Variants in ST6GALNAC5 observed in about 807,000 individuals in gnomAD.
ST6GALNAC5 encodes alpha-N-acetylgalactosaminide alpha-2,6-sialyltransferase 5.
ST6GALNAC5 carries 27 observed loss-of-function variants against 33.6 expected under a neutral mutation model. The observed-to-expected ratio is 0.80, with a 90% CI of 0.59 to 1.11. ST6GALNAC5 has a LOEUF of 1.11. Ranked by LOEUF, ST6GALNAC5 falls within the 50% of genes least tolerant of loss-of-function variation. The pLI, the probability that ST6GALNAC5 is intolerant of heterozygous loss-of-function variation, is 0.00. For synonymous variants in ST6GALNAC5, 194 were observed against 171.2 expected, an observed-to-expected ratio of 1.13 and a Z score of -1.04; for missense variants, 428 against 454.0, an observed-to-expected ratio of 0.94 and a Z score of 0.52.
At chr1:76,897,628 A>T (rs980557312) in intron 2 of ST6GALNAC5, among the ~76,000 whole-genome samples, 1 of 149,456 alleles carries the variant, frequency 6.7e-6, no homozygotes, top group East Asian at 1.9e-4. Flanking sequence ...AGGTGGGGGG[A>T]TACAAGAGGA....
intron 3 of ST6GALNAC5, among the ~76,000 whole-genome samples, chr1:77,048,947 C>G (rs1557774385): frequency 1.3e-5 from 2 of 151,898 alleles, no homozygotes; most frequent in Non-Finnish European, 2.9e-5. Flanking sequence ...ATTCAGCCCA[C>G]TTATTCCCAT....
At chr1:76,883,264 T>A (rs970916144) in intron 2 of ST6GALNAC5, among the ~76,000 whole-genome samples, 20 of 152,242 alleles carry the variant, frequency 1.3e-4, no homozygotes, top group African/African-American at 4.8e-4. Context: ...CACACAATAT[T>A]GCAATCATTT....
intron 2 of ST6GALNAC5, among the ~76,000 whole-genome samples, chr1:76,967,647 G>A (rs1335921441): frequency 1.3e-5 from 2 of 152,086 alleles, no homozygotes; most frequent in African/African-American, 4.8e-5. Context: ...GTTTGCTCTT[G>A]CTTCACTGGT....
chr1:77,039,289 T>C (rs968140828), intron 2 of ST6GALNAC5, among the ~76,000 whole-genome samples: 7 of 152,220 alleles, frequency 4.6e-5, no homozygotes, highest in African/African-American at 1.4e-4. Context: ...TACTGGGGAT[T>C]AATAACTGGC....
chr1:76,894,590 T>C (rs1331024268), intron 2 of ST6GALNAC5, among the ~76,000 whole-genome samples: 1 of 152,116 alleles, frequency 6.6e-6, no homozygotes, highest in East Asian at 1.9e-4. Flanking sequence ...GAGGTCACAG[T>C]CAAAGAAAAA....
intron 2 of ST6GALNAC5, among the ~76,000 whole-genome samples, chr1:76,981,862 G>A (rs34563548): frequency 2.0e-5 from 3 of 152,086 alleles, no homozygotes; most frequent in Admixed American, 1.3e-4. Context: ...AGATACCCAG[G>A]CAAACAGGGT....
At chr1:76,908,036 T>C (rs1339576287) in intron 2 of ST6GALNAC5, among the ~76,000 whole-genome samples, 1 of 152,178 alleles carries the variant, frequency 6.6e-6, no homozygotes, top group Non-Finnish European at 1.5e-5. Flanking sequence ...ATCTTTTTAA[T>C]ACAATAGATT....
rs1272546361 is a variant in ST6GALNAC5 at position 77,018,380 on chromosome 1, G to A, written c.262-25824G>A. Among the ~76,000 whole-genome samples the A allele has an allele frequency of 2.0e-5, 3 of 152,218 alleles. No homozygotes were observed. The East Asian group carries it at 5.8e-4, about 29-fold the overall frequency. Reference sequence around the variant, plus strand: ...GAGTACTCACCATGCACGAGGCACTGTGCCAGGTACAAACATTCATATTCC... The same window carrying A: ...GAGTACTCACCATGCACGAGGCACTATGCCAGGTACAAACATTCATATTCC... On this transcript the variant is annotated intron_variant, in intron 2 of 4. Transcript: ENST00000477717.
At chr1:77,049,492 T>A (rs759595654) in intron 3 of ST6GALNAC5, among the ~76,000 whole-genome samples, 5 of 152,222 alleles carry the variant, frequency 3.3e-5, no homozygotes, top group Non-Finnish European at 7.3e-5. Flanking sequence ...GTCTCCACAG[T>A]TATCCTAAGG....
In ST6GALNAC5 at chr1:76,868,593, C is replaced by CAGA; in HGVS notation, c.114_115insAAG (p.Gln38_Gln39insLys). 6.6e-7 allele frequency: 1 copy of CAGA among 1,523,248 alleles called. No homozygotes were observed. 94.4% of individuals were successfully genotyped at this position (1,523,248 alleles called of 1,614,324 possible). The stretch of plus-strand genomic sequence containing the variant: ...CGGCGGCCAGAAGGAGCGGCCCCCG[C>CAGA]AGCAGCAGCAGCAGCAGCAGCAACA... On this transcript the variant is annotated inframe_insertion, in exon 2 of 5. Coordinates refer to ENST00000477717, the MANE Select transcript of ST6GALNAC5 (RefSeq NM_030965.3). This position sits in a 1 kb window ranked among gnomAD's most constrained non-coding sequence, Gnocchi z 4.3.
intron 2 of ST6GALNAC5, among the ~76,000 whole-genome samples, chr1:76,904,683 G>C (rs1461322294): frequency 1.3e-5 from 2 of 152,098 alleles, no homozygotes; most frequent in Non-Finnish European, 2.9e-5. Context: ...AAATTAGCCA[G>C]GCAGGATGGC....
At chr1:76,965,247 A>G (rs182626768) in intron 2 of ST6GALNAC5, among the ~76,000 whole-genome samples, 6 of 151,978 alleles carry the variant, frequency 3.9e-5, no homozygotes, top group African/African-American at 1.4e-4. Flanking sequence ...AAGCATTCCT[A>G]TTTCTCCACA....
intron 2 of ST6GALNAC5, among the ~76,000 whole-genome samples, chr1:76,935,456 G>A (rs957117236): frequency 1.3e-5 from 2 of 151,998 alleles, no homozygotes; most frequent in African/African-American, 4.8e-5. Flanking sequence ...AACATTCAGT[G>A]AGTACGTCAG....
rs535985079 is a variant in ST6GALNAC5, at chr1:76,889,462, A to T, written c.261+20720A>T. Among the ~76,000 whole-genome samples the T allele has an allele frequency of 2.0e-5, 3 of 152,218 alleles. No individual in the cohort carries two copies. The East Asian group carries it at 5.8e-4, about 29-fold the overall frequency. On this transcript the variant is annotated intron_variant, in intron 2 of 4. Transcript: ENST00000477717. ...CCATTGAAGAAGTTCTGTTGATGGT[A>T]AATACAGTTTTACTTTCTTTGAAAA...
At chr1:77,033,569 C>A (rs905935066) in intron 2 of ST6GALNAC5, among the ~76,000 whole-genome samples, 1 of 151,482 alleles carries the variant, frequency 6.6e-6, no homozygotes, top group South Asian at 2.1e-4. Flanking sequence ...GAGGTCCTGG[C>A]ACATTAGTTG....
chr1:77,053,535 T>C (rs1314589795), intron 4 of ST6GALNAC5, among the ~76,000 whole-genome samples: 1 of 152,212 alleles, frequency 6.6e-6, no homozygotes, highest in Non-Finnish European at 1.5e-5. Flanking sequence ...TAGCCATTTC[T>C]GCCTCTCAGA....
At chr1:76,896,661 T>G (rs1317757363) in intron 2 of ST6GALNAC5, among the ~76,000 whole-genome samples, 2 of 152,080 alleles carry the variant, frequency 1.3e-5, no homozygotes, top group Admixed American at 6.5e-5. Flanking sequence ...GAGGCCAGAT[T>G]GAAGTCCGGG....
intron 2 of ST6GALNAC5, among the ~76,000 whole-genome samples, chr1:76,977,384 C>T (rs1034254661): frequency 1.3e-5 from 2 of 152,076 alleles, no homozygotes; most frequent in African/African-American, 4.8e-5. Context: ...ATTACAGTTG[C>T]CTAGCTGTGT....
At chr1:76,929,614 T>C (rs538005291) in intron 2 of ST6GALNAC5, among the ~76,000 whole-genome samples, 1 of 152,222 alleles carries the variant, frequency 6.6e-6, no homozygotes, top group Non-Finnish European at 1.5e-5. Context: ...GGTATAGAGC[T>C]ATCCTGTGCA....
Sources: gnomAD v4.1 joint callset for allele counts (sites outside exome capture counted in the v4.1 genomes callset) on GRCh38, gnomAD v4.1.1 for gene constraint, Gnocchi (gnomAD v3.1) non-coding constraint, MANE v1.5 for transcripts, NCBI Gene and HGNC (gene_info 2026-07-23, HGNC 2026-07-21) for gene names.